The following PABPC4L variants were observed in gnomAD, a reference collection of about 807,000 sequenced individuals.
The protein encoded by PABPC4L is polyadenylate-binding protein 4-like.
For missense variants in PABPC4L, 452 were observed against 451.4 expected (o/e 1.00, Z -0.01); for synonymous variants, 169 against 164.1 (o/e 1.03, Z -0.23).
chr4:134,004,132 T>C, the PABPC4L span, among the ~76,000 whole-genome samples: 2 of 151,716 alleles, frequency 1.3e-5, no homozygotes, highest in African/African-American at 2.4e-5. Context: ...AAAGCAAAAA[T>C]AGACAAATAT....
the PABPC4L span, among the ~76,000 whole-genome samples, chr4:133,986,914 T>C: frequency 2.0e-5 from 3 of 152,036 alleles, no homozygotes; most frequent in African/African-American, 4.8e-5. Context: ...TTTTGCATTT[T>C]TAGTAGAGAT....
the PABPC4L span, among the ~76,000 whole-genome samples, chr4:134,068,446 C>T: frequency 6.6e-6 from 1 of 152,110 alleles, no homozygotes; most frequent in Non-Finnish European, 1.5e-5. Context: ...TGAAGACAGT[C>T]TGCTATTGGA....
chr4:134,188,342 A>G, the PABPC4L span, among the ~76,000 whole-genome samples: 3 of 150,178 alleles, frequency 2.0e-5, no homozygotes, highest in South Asian at 6.2e-4. Flanking sequence ...TGGTAGATCA[A>G]TTAAAGGGAA....
the PABPC4L span, among the ~76,000 whole-genome samples, chr4:134,037,287 A>C: frequency 6.6e-6 from 1 of 151,832 alleles, no homozygotes; most frequent in African/African-American, 2.4e-5. Context: ...GCATGGATGT[A>C]TTTTCATTTG....
At chr4:133,958,627 A>G in the PABPC4L span, among the ~76,000 whole-genome samples, 1 of 152,216 alleles carries the variant, frequency 6.6e-6, no homozygotes, top group East Asian at 1.9e-4. Flanking sequence ...TTACAGTTCC[A>G]CTTGGCTGGG....
chr4:134,084,288 C>A, the PABPC4L span, among the ~76,000 whole-genome samples: 2 of 152,094 alleles, frequency 1.3e-5, no homozygotes, highest in Admixed American at 6.6e-5. Flanking sequence ...TTCAAGCAAT[C>A]CTCCCTCCTC....
chr4:134,033,147 C>T, the PABPC4L span, among the ~76,000 whole-genome samples: 1 of 151,300 alleles, frequency 6.6e-6, no homozygotes, highest in Non-Finnish European at 1.5e-5. Flanking sequence ...GTAATTCTCA[C>T]AGTATTTCAA....
chr4:134,150,080 A>G, the PABPC4L span, among the ~76,000 whole-genome samples: 3,355 of 133,568 alleles, frequency 0.025, 127 homozygotes, highest in African/African-American at 0.095. Context: ...TCTTGGTTTT[A>G]TTATGTCTTT....
In PABPC4L at chr4:134,196,786, G is replaced by A. The variant is rs1729672157; in HGVS notation, c.*3121C>T. 6.8e-6 allele frequency: 1 copy of A among 147,932 alleles called. No individual in the cohort carries two copies. The highest frequency in any genetic ancestry group is 1.5e-5 in the Non-Finnish European group (1 of 67,004). The allele number at this position is 147,932 out of a possible 1,614,324, so 9.2% of individuals were successfully genotyped here. The stretch of plus-strand genomic sequence containing the variant: ...AAAATTTAAATAAATTAAATCCATA[G>A]GATTGTATATTTTTGTAAACTGACT... On this transcript the variant is annotated 3_prime_UTR_variant, in exon 2 of 2. Coordinates refer to ENST00000421491, the MANE Select transcript of PABPC4L (RefSeq NM_001114734.2).
At chr4:134,091,976 G>A in the PABPC4L span, among the ~76,000 whole-genome samples, 1 of 151,920 alleles carries the variant, frequency 6.6e-6, no homozygotes. Context: ...ACTGTTTTTA[G>A]GAGCTTTAAT....
the PABPC4L span, among the ~76,000 whole-genome samples, chr4:134,072,804 A>G: frequency 1.3e-5 from 2 of 152,108 alleles, no homozygotes; most frequent in Non-Finnish European, 2.9e-5. Flanking sequence ...CCTTTTTCAC[A>G]TGGTAGCAGA....
the PABPC4L span, among the ~76,000 whole-genome samples, chr4:134,166,336 T>C: frequency 1.3e-5 from 2 of 152,146 alleles, no homozygotes; most frequent in African/African-American, 4.8e-5. Flanking sequence ...GATGTAAATA[T>C]AGAAAATAAA....
the PABPC4L span, among the ~76,000 whole-genome samples, chr4:134,046,787 C>A: frequency 6.6e-6 from 1 of 152,202 alleles, no homozygotes; most frequent in African/African-American, 2.4e-5. Context: ...CAAGGCACAT[C>A]CTGCACAGCC....
At chr4:134,193,907 T>C (rs1287145317), downstream of PABPC4L, among the ~76,000 whole-genome samples, 1 of 151,902 alleles carries the variant, frequency 6.6e-6, no homozygotes, top group Non-Finnish European at 1.5e-5. Context: ...CTTAAGAATG[T>C]TCTTCTATCA....
At chr4:134,172,195 A>C in the PABPC4L span, among the ~76,000 whole-genome samples, 1 of 152,220 alleles carries the variant, frequency 6.6e-6, no homozygotes, top group South Asian at 2.1e-4. Flanking sequence ...ACCAAAAAAA[A>C]CTCACATAGC....
the PABPC4L span, among the ~76,000 whole-genome samples, chr4:134,125,024 G>A: frequency 6.6e-6 from 1 of 152,054 alleles, no homozygotes; most frequent in Admixed American, 6.6e-5. Flanking sequence ...GCATATAGGG[G>A]ATGGTAGTAG....
the PABPC4L span, among the ~76,000 whole-genome samples, chr4:134,150,132 G>C: frequency 6.6e-6 from 1 of 150,822 alleles, no homozygotes; most frequent in Non-Finnish European, 1.5e-5. Context: ...ACCTAGGCTG[G>C]AGTGCAATGG....
At chr4:134,093,497 T>C in the PABPC4L span, among the ~76,000 whole-genome samples, 2 of 151,734 alleles carry the variant, frequency 1.3e-5, no homozygotes, top group Admixed American at 6.6e-5. Context: ...CTGTATTTTA[T>C]AGTTTATAGT....
the PABPC4L span, among the ~76,000 whole-genome samples, chr4:134,040,610 A>G: frequency 6.6e-6 from 1 of 152,332 alleles, no homozygotes; most frequent in Non-Finnish European, 1.5e-5. Flanking sequence ...TAAGATCTAA[A>G]ACCATAAAAA....
Sources: allele counts gnomAD v4.1 joint callset (sites outside exome capture counted in the v4.1 genomes callset), GRCh38; gene constraint gnomAD v4.1.1; transcripts MANE v1.5; gene names NCBI Gene and HGNC (gene_info 2026-07-23, HGNC 2026-07-21).